SEMA3E: variants seen among roughly 807,000 people sequenced by gnomAD.
The protein encoded by SEMA3E is semaphorin 3E, also known as semaphorin-3E.
SEMA3E carries 49 observed loss-of-function variants against 93.6 expected under a neutral mutation model. The ratio of observed to expected loss-of-function variants is 0.52; its 90% confidence interval spans 0.42 to 0.66. The LOEUF (loss-of-function observed/expected upper bound fraction) is 0.66, where lower values mean the gene tolerates loss of function less well. Among genes scored for constraint, SEMA3E ranks in the 30% least tolerant of loss-of-function variants. The pLI is 0.00. For missense variants in SEMA3E, 906 were observed against 964.8 expected (o/e 0.94, Z 0.81); for synonymous variants, 363 against 330.7 (o/e 1.10, Z -1.06).
At chr7:83,608,177 C>A (rs1431125793) in intron 1 of SEMA3E, among the ~76,000 whole-genome samples, 1 of 151,744 alleles carries the variant, frequency 6.6e-6, no homozygotes, top group Non-Finnish European at 1.5e-5. Context: ...CATGCCATTG[C>A]ACTTCAGCCT....
chr7:83,454,190 G>A (rs192383122), intron 4 of SEMA3E, among the ~76,000 whole-genome samples: 3,703 of 146,924 alleles, frequency 0.025, 183 homozygotes, highest in African/African-American at 0.088. Flanking sequence ...CCCGGGAGGC[G>A]GAGCTTGCAG....
At chr7:83,419,420 G>C (rs1282249315) in intron 4 of SEMA3E, among the ~76,000 whole-genome samples, 1 of 152,186 alleles carries the variant, frequency 6.6e-6, no homozygotes, top group Non-Finnish European at 1.5e-5. Flanking sequence ...TTGGTAGAAT[G>C]ATTCATTTTC....
intron 1 of SEMA3E, among the ~76,000 whole-genome samples, chr7:83,542,188 TAAA>T (rs77120726): frequency 6.9e-6 from 1 of 144,782 alleles, no homozygotes. Flanking sequence ...ATAAAAAAGT[TAAA>T]AAAAAAAAAA....
chr7:83,516,451 T>C (rs908665787), intron 1 of SEMA3E, among the ~76,000 whole-genome samples: 2 of 152,192 alleles, frequency 1.3e-5, no homozygotes, highest in African/African-American at 4.8e-5. Flanking sequence ...GGAAAAAACA[T>C]ATTTCCATTA....
chr7:83,585,199 C>T (rs899711967), intron 1 of SEMA3E, among the ~76,000 whole-genome samples: 4 of 152,256 alleles, frequency 2.6e-5, no homozygotes, highest in South Asian at 2.1e-4. Context: ...GAGAAGCCTT[C>T]CCTGACCACT....
chr7:83,592,099 A>G (rs1792767359), intron 1 of SEMA3E, among the ~76,000 whole-genome samples: 1 of 152,116 alleles, frequency 6.6e-6, no homozygotes, highest in Non-Finnish European at 1.5e-5. Context: ...ATATTTTAAC[A>G]GTTTATGGAG....
chr7:83,545,868 A>T (rs1464831637), intron 1 of SEMA3E, among the ~76,000 whole-genome samples: 2 of 139,908 alleles, frequency 1.4e-5, no homozygotes, highest in East Asian at 4.1e-4. Context: ...TCTATATAAC[A>T]TTATATATTA....
intron 1 of SEMA3E, among the ~76,000 whole-genome samples, chr7:83,529,864 C>CT (rs771514543): frequency 3.9e-5 from 6 of 152,158 alleles, no homozygotes; most frequent in Non-Finnish European, 7.4e-5. Flanking sequence ...CTCTCCTTCT[C>CT]TCCCCTTCCC....
At chr7:83,511,762 G>A (rs2115650368) in intron 1 of SEMA3E, among the ~76,000 whole-genome samples, 1 of 152,166 alleles carries the variant, frequency 6.6e-6, no homozygotes, top group Non-Finnish European at 1.5e-5. Flanking sequence ...AGGCATGGTG[G>A]TGGGTGCCTG....
rs564033459 is a variant in SEMA3E at position 83,434,286 on chromosome 7, A to C, written c.457-15803T>G. Among the ~76,000 whole-genome samples, 14 of 152,308 alleles carry C rather than the reference A, an allele frequency of 9.2e-5. No individual in the cohort carries two copies. In the East Asian group the frequency reaches 2.7e-3, roughly 29 times the overall value. ...GAAAACAACTTTATTAAACTGATCA[A>C]AAATCTTTCTCTTACAAAGAAGACA... On this transcript the variant is annotated intron_variant, in intron 4 of 16. Coordinates refer to ENST00000643230, the MANE Select transcript of SEMA3E (RefSeq NM_012431.3).
chr7:83,510,063 A>T (rs1584298349), intron 1 of SEMA3E, among the ~76,000 whole-genome samples: 1 of 152,160 alleles, frequency 6.6e-6, no homozygotes, highest in East Asian at 1.9e-4. Flanking sequence ...TATTACATCA[A>T]CATATTAATA....
chr7:83,468,916 G>C (rs867875013), intron 3 of SEMA3E, among the ~76,000 whole-genome samples: 3 of 151,620 alleles, frequency 2.0e-5, no homozygotes, highest in South Asian at 4.1e-4. Flanking sequence ...GTGCTTAACT[G>C]TTCCTAGAAA....
chr7:83,525,256 A>G (rs997698407), intron 1 of SEMA3E, among the ~76,000 whole-genome samples: 2 of 152,022 alleles, frequency 1.3e-5, no homozygotes, highest in Non-Finnish European at 2.9e-5. Context: ...AAAATTACGT[A>G]ACCTGTTTTT....
chr7:83,442,817 C>A (rs889085513), intron 4 of SEMA3E, among the ~76,000 whole-genome samples: 10 of 152,086 alleles, frequency 6.6e-5, no homozygotes, highest in Non-Finnish European at 1.2e-4. Flanking sequence ...ACTTCTATGC[C>A]CCCCATGAGG....
At chr7:83,643,300 G>A (rs1794038357) in intron 1 of SEMA3E, among the ~76,000 whole-genome samples, 1 of 151,930 alleles carries the variant, frequency 6.6e-6, no homozygotes, top group South Asian at 2.1e-4. Context: ...TGACATCATA[G>A]CTGTTGAATA....
At chr7:83,491,357 T>C (rs973843832) in intron 1 of SEMA3E, among the ~76,000 whole-genome samples, 2 of 151,950 alleles carry the variant, frequency 1.3e-5, no homozygotes, top group African/African-American at 2.4e-5. Flanking sequence ...ATCTTTAGTT[T>C]AAAATGAACA....
rs534282828 is a variant in SEMA3E at position 83,385,555 on chromosome 7, A to C, written c.1736-122T>G. On this transcript the variant is annotated intron_variant, in intron 15 of 16. Transcript: ENST00000643230. Reference sequence around the variant, plus strand: ...CTCATTACTTATTGCTTATTTCTGCAAAAGGTAATTTAAAGGAATTATTTA... The same window carrying C: ...CTCATTACTTATTGCTTATTTCTGCCAAAGGTAATTTAAAGGAATTATTTA... The C allele has an allele frequency of 3.5e-5, 38 of 1,078,198 alleles. No individual in the cohort carries two copies. The East Asian group carries it at 9.0e-4, about 25-fold the overall frequency. 66.8% of individuals were successfully genotyped at this position (1,078,198 alleles called of 1,614,324 possible). A position where few individuals can be genotyped will look rare whatever the true frequency, so the allele number is the denominator to read the frequency against.
At chr7:83,424,842 A>C (rs1481972146) in intron 4 of SEMA3E, 3 of 220,516 alleles carry the variant, frequency 1.4e-5, no homozygotes, top group Non-Finnish European at 2.8e-5. Context: ...AACTAGATCC[A>C]GAAATGCTTG....
intron 15 of SEMA3E, 90 bp from the exon 16 acceptor site, chr7:83,385,523 T>A: frequency 8.0e-7 from 1 of 1,245,620 alleles, no homozygotes; most frequent in South Asian, 1.2e-5. Flanking sequence ...TGCAGTAACA[T>A]GATTAACTCA....
Sources: gnomAD v4.1 joint callset for allele counts (sites outside exome capture counted in the v4.1 genomes callset) on GRCh38, gnomAD v4.1.1 for gene constraint, MANE v1.5 for transcripts, NCBI Gene and HGNC (gene_info 2026-07-23, HGNC 2026-07-21) for gene names.